ZNF654: variants seen among roughly 807,000 people sequenced by gnomAD.
The protein encoded by ZNF654 is melanoma-associated antigen.
A neutral mutation model predicts 95.3 loss-of-function variants in ZNF654; 19 were observed. The observed-to-expected ratio is 0.20, with a 90% CI of 0.14 to 0.29. The LOEUF (loss-of-function observed/expected upper bound fraction) is 0.29, where lower values mean the gene tolerates loss of function less well. Among genes scored for constraint, ZNF654 ranks in the 10% least tolerant of loss-of-function variants. ZNF654 has a pLI of 1.00. For synonymous variants in ZNF654, 413 were observed against 457.9 expected, an observed-to-expected ratio of 0.90 and a Z score of 1.25; for missense variants, 1,046 against 1,341.0, an observed-to-expected ratio of 0.78 and a Z score of 3.44.
At position 88,129,819 on chromosome 3, in the gene ZNF654, T is replaced by C; in HGVS notation, c.886T>C (p.Cys296Arg). 5 of 1,473,618 alleles carry C rather than the reference T, an allele frequency of 3.4e-6. No individual in the cohort carries two copies. The highest frequency in any genetic ancestry group is 4.5e-6 in the Non-Finnish European group (5 of 1,108,666). The allele number at this position is 1,473,618 out of a possible 1,614,324, so 91.3% of individuals were successfully genotyped here. The change falls in exon 6 of 9, where the codon TGT becomes CGT. Residue 296 changes from cysteine to arginine, a missense_variant. By Grantham distance (180) the Cys-to-Arg change is radical. Coordinates refer to ENST00000636215, the MANE Select transcript of ZNF654 (RefSeq NM_001350134.2). ...ACAGCTCCAGAATGGGGATATGTACTGTATCTGGTAAGTGTTTGTAAATAA... is the reference window on the plus strand; with the variant it reads ...ACAGCTCCAGAATGGGGATATGTACCGTATCTGGTAAGTGTTTGTAAATAA... ...IPQLQNGDMY[C>R]IWELIFIWSK...
At chr3:88,095,502 AG>A (rs1366119967) in intron 2 of ZNF654, 6 of 464,410 alleles carry the variant, frequency 1.3e-5, no homozygotes, top group Non-Finnish European at 2.1e-5. Flanking sequence ...CATAATTTGT[AG>A]ACAGTTCACA....
intron 1 of ZNF654, among the ~76,000 whole-genome samples, chr3:88,081,045 C>T (rs1708050617): frequency 6.6e-6 from 1 of 152,076 alleles, no homozygotes; most frequent in Non-Finnish European, 1.5e-5. Flanking sequence ...CTCAGCCTTT[C>T]CTTGTCTTTG....
chr3:88,129,187 T>C (rs954089912), intron 5 of ZNF654, 176 bp downstream of exon 5: 3 of 531,834 alleles, frequency 5.6e-6, no homozygotes, highest in Admixed American at 3.6e-5. Flanking sequence ...TCATGTTGAA[T>C]TAGTCAAAAT....
In ZNF654 at chr3:88,142,078, G is replaced by A. The variant is rs1375321609; in HGVS notation, c.*426G>A. The A allele has an allele frequency of 6.5e-6, 1 of 154,864 alleles. No homozygotes were observed. Among genetic ancestry groups the A allele is most frequent in the Non-Finnish European group, 1.4e-5 (1 of 69,646 alleles). The allele number at this position is 154,864 out of a possible 1,614,324, so 9.6% of individuals were successfully genotyped here. ...TTTAAAGTATTTTATTCTACAAATG[G>A]GGTTTGTTTTCTTGTCATGCATAAT... On this transcript the variant is annotated 3_prime_UTR_variant, in exon 9 of 9. Transcript: ENST00000636215.
chr3:88,062,287 G>A (rs1198764806), intron 1 of ZNF654, among the ~76,000 whole-genome samples: 1 of 152,170 alleles, frequency 6.6e-6, no homozygotes, highest in African/African-American at 2.4e-5. Flanking sequence ...AAGTTAAGGT[G>A]TCTTAGTTTC....
At chr3:88,077,532 TC>T (rs1283665407) in intron 1 of ZNF654, among the ~76,000 whole-genome samples, 1 of 152,086 alleles carries the variant, frequency 6.6e-6, no homozygotes, top group Non-Finnish European at 1.5e-5. Flanking sequence ...AGACGGGGTT[TC>T]CCTGTGTATG....
At chr3:88,074,465 C>G (rs1166571523) in intron 1 of ZNF654, among the ~76,000 whole-genome samples, 1 of 151,750 alleles carries the variant, frequency 6.6e-6, no homozygotes, top group African/African-American at 2.4e-5. Context: ...CCTCAGCCTC[C>G]CAAGTAGCTG....
chr3:88,116,559 T>TACACACACACACACACACACACAC (rs140401038), intron 3 of ZNF654, among the ~76,000 whole-genome samples: 9 of 146,558 alleles, frequency 6.1e-5, no homozygotes, highest in African/African-American at 2.0e-4. Context: ...CATACATATA[T>TACACACACACACACACACACACAC]ATACACACAC....
Position 88,134,998 on chromosome 3 carries a change from T to C in ZNF654, c.894-63T>C, listed in dbSNP as rs1034846435. ...AGGGCACTATAGAATCAGGGAAAGA[T>C]AGCTAATGTCTGTATTTGAATAAAC... On this transcript the variant is annotated intron_variant, in intron 6 of 8. Transcript: ENST00000636215. The C allele has an allele frequency of 1.2e-5, 14 of 1,162,022 alleles. No homozygotes were observed. In the African/African-American group the frequency reaches 1.4e-4, roughly 12 times the overall value. The allele number at this position is 1,162,022 out of a possible 1,614,324, so 72.0% of individuals were successfully genotyped here.
intron 1 of ZNF654, among the ~76,000 whole-genome samples, chr3:88,072,663 C>A (rs1687373965): frequency 6.6e-6 from 1 of 152,120 alleles, no homozygotes; most frequent in Non-Finnish European, 1.5e-5. Flanking sequence ...CTCTAGTATT[C>A]TTTTTCCCCC....
At chr3:88,133,761 A>T (rs1204891651) in intron 6 of ZNF654, among the ~76,000 whole-genome samples, 4 of 152,160 alleles carry the variant, frequency 2.6e-5, no homozygotes, top group Non-Finnish European at 5.9e-5. Context: ...AAAACAGATC[A>T]GGTTAGAAAC....
intron 1 of ZNF654, among the ~76,000 whole-genome samples, chr3:88,063,875 C>T (rs1008515537): frequency 1.3e-5 from 2 of 152,014 alleles, no homozygotes; most frequent in African/African-American, 4.8e-5. Flanking sequence ...TGCTTGAGTC[C>T]CAACTATCAC....
chr3:88,141,648 C>T lies in ZNF654; in HGVS notation c.3383C>T (p.Ala1128Val). The change falls in exon 9 of 9, where the codon GCC (alanine) becomes GTC (valine). Residue 1128 changes from alanine (A) to valine (V), a missense_variant. This residue lies in a region of ZNF654 where 59 missense variants were observed against 73.0 expected (regional missense o/e 0.81). Transcript: ENST00000636215. The stretch of plus-strand genomic sequence containing the variant: ...ACAGATGTGTTCTGTTTTACAGGTG[C>T]CTGATGAAAACGGTTCAGAAAGATC... ...LFGFDSDDESA is the reference protein window; with the variant it reads ...LFGFDSDDESV The T allele has an allele frequency of 6.6e-7, 1 of 1,508,076 alleles. No individual in the cohort carries two copies. The highest frequency in any genetic ancestry group is 2.4e-5 in the East Asian group (1 of 41,986). 93.4% of individuals were successfully genotyped at this position (1,508,076 alleles called of 1,614,324 possible). A position where few individuals can be genotyped will look rare whatever the true frequency, so the allele number is the denominator to read the frequency against.
At position 88,142,576 on chromosome 3, in the gene ZNF654, T is replaced by A. The variant is rs115929950; in HGVS notation, c.*924T>A. ...TGGGACATTGCTTGATGATTCATAG[T>A]AAGGTCCTTTAGACATTAATGTGAG... is the stretch of plus-strand genomic sequence containing the variant. On this transcript the variant is annotated 3_prime_UTR_variant, in exon 9 of 9. Transcript: ENST00000636215. The A allele has an allele frequency of 0.06, 9,175 of 152,392 alleles. 801 individuals are homozygous for A. The highest frequency in any genetic ancestry group is 0.19 in the African/African-American group (7,936 of 41,468). The allele number at this position is 152,392 out of a possible 1,614,324, so 9.4% of individuals were successfully genotyped here.
At chr3:88,070,718 A>G (rs1203232864) in intron 1 of ZNF654, among the ~76,000 whole-genome samples, 2 of 152,220 alleles carry the variant, frequency 1.3e-5, no homozygotes, top group Non-Finnish European at 2.9e-5. Context: ...CCCCTTAAGA[A>G]AAAAAGTATG....
chr3:88,104,730 T>A (rs1704629204), intron 2 of ZNF654, among the ~76,000 whole-genome samples: 1 of 152,160 alleles, frequency 6.6e-6, no homozygotes, highest in East Asian at 1.9e-4. Context: ...CTAAATGGAA[T>A]CTTAAAATTG....
At chr3:88,124,528 T>A (rs1383909522) in intron 3 of ZNF654, among the ~76,000 whole-genome samples, 1 of 152,242 alleles carries the variant, frequency 6.6e-6, no homozygotes, top group African/African-American at 2.4e-5. Flanking sequence ...GTGGCATATA[T>A]AAATCACTTT....
intron 3 of ZNF654, among the ~76,000 whole-genome samples, chr3:88,125,104 A>G (rs1417967094): frequency 2.0e-5 from 3 of 151,954 alleles, no homozygotes; most frequent in Non-Finnish European, 4.4e-5. Context: ...AGTCCCAGCT[A>G]CTTGGGAGGC....
intron 2 of ZNF654, among the ~76,000 whole-genome samples, chr3:88,093,114 C>T (rs926678125): frequency 2.6e-5 from 4 of 152,130 alleles, no homozygotes; most frequent in African/African-American, 7.2e-5. Flanking sequence ...ACCTCAAATT[C>T]ATTCTTTGTA....
Sources: allele counts gnomAD v4.1 joint callset (sites outside exome capture counted in the v4.1 genomes callset), GRCh38; gene constraint gnomAD v4.1.1; regional missense constraint gnomAD v4.1.1; transcripts MANE v1.5; gene names NCBI Gene and HGNC (gene_info 2026-07-23, HGNC 2026-07-21).